The following ABLIM1 variants were observed in gnomAD, a reference collection of about 807,000 sequenced individuals.
The protein encoded by ABLIM1 is actin binding LIM protein 1.
ABLIM1 carries 40 observed loss-of-function variants against 107.0 expected under a neutral mutation model. The ratio of observed to expected loss-of-function variants is 0.37; its 90% CI spans 0.29 to 0.49. The LOEUF is 0.49. Among genes scored for constraint, ABLIM1 ranks in the 20% least tolerant of loss-of-function variants. The pLI is 0.97. For synonymous variants in ABLIM1, 357 were observed against 357.3 expected (o/e 1.00, Z 0.01); for missense variants, 857 against 1,008.5 (o/e 0.85, Z 2.04).
chr10:114,718,568 G>A (rs992088689), intron 1 of ABLIM1, among the ~76,000 whole-genome samples: 5 of 152,220 alleles, frequency 3.3e-5, no homozygotes, highest in Non-Finnish European at 5.9e-5. Flanking sequence ...CAGCAGCTGT[G>A]TCTGCCAAGT....
At chr10:114,732,180 C>CTTTTTTTTTTTTTTTT (rs113276247) in intron 1 of ABLIM1, among the ~76,000 whole-genome samples, 72 of 109,866 alleles carry the variant, frequency 6.6e-4, no homozygotes, top group Non-Finnish European at 8.8e-4. Context: ...CTTTTCTTTT[C>CTTTTTTTTTTTTTTTT]TTTTTTTTTT....
chr10:114,636,824 C>T (rs2078502813), intron 1 of ABLIM1, among the ~76,000 whole-genome samples: 2 of 151,822 alleles, frequency 1.3e-5, no homozygotes, highest in Non-Finnish European at 2.9e-5. Flanking sequence ...CTTGAGGTCA[C>T]GAGTTTGAGA....
intron 8 of ABLIM1, among the ~76,000 whole-genome samples, chr10:114,474,280 C>T (rs1034776820): frequency 6.6e-6 from 1 of 152,130 alleles, no homozygotes; most frequent in Non-Finnish European, 1.5e-5. Context: ...CCAGTCACCA[C>T]CTCCATTCAT....
chr10:114,654,363 T>G (rs932006862), intron 1 of ABLIM1, among the ~76,000 whole-genome samples: 1 of 152,260 alleles, frequency 6.6e-6, no homozygotes, highest in East Asian at 1.9e-4. Flanking sequence ...ATGCTGACTA[T>G]ATTGCAATTC....
At chr10:114,573,121 T>C (rs926822409) in intron 3 of ABLIM1, among the ~76,000 whole-genome samples, 2 of 152,216 alleles carry the variant, frequency 1.3e-5, no homozygotes, top group African/African-American at 2.4e-5. Context: ...TTCAGTAATT[T>C]CCTCCCTCCC....
intron 8 of ABLIM1, among the ~76,000 whole-genome samples, chr10:114,480,071 T>G (rs1306510143): frequency 6.6e-6 from 1 of 152,230 alleles, no homozygotes; most frequent in Non-Finnish European, 1.5e-5. Flanking sequence ...CAAATCCCAC[T>G]GACAGTTTCT....
intron 1 of ABLIM1, among the ~76,000 whole-genome samples, chr10:114,755,955 T>C (rs1463203161): frequency 6.6e-6 from 1 of 152,222 alleles, no homozygotes; most frequent in East Asian, 1.9e-4. Context: ...CAGTTATAAA[T>C]TCACCCATGT....
At chr10:114,513,793 C>G (rs2062320307) in intron 6 of ABLIM1, among the ~76,000 whole-genome samples, 1 of 152,210 alleles carries the variant, frequency 6.6e-6, no homozygotes, top group Admixed American at 6.5e-5. Flanking sequence ...GATGCCAACA[C>G]TACCAAGAAA....
rs2076043582 is a variant in ABLIM1, at chr10:114,601,956, G to A, written c.250C>T (p.His84Tyr). 1.9e-6 allele frequency: 3 copies of A among 1,613,744 alleles called. No individual in the cohort carries two copies. The highest frequency in any genetic ancestry group is 1.3e-5 in the African/African-American group (1 of 74,894). Residue 84 changes from histidine to tyrosine, a missense_variant, in exon 2 of 23, where the codon CAC (histidine) becomes TAC (tyrosine). By Grantham distance (83) the His-to-Tyr change is moderately conservative. Coordinates refer to ENST00000533213, the MANE Select transcript of ABLIM1 (RefSeq NM_002313.7). Reference sequence around the variant, plus strand: ...GATGGGTGGTGAGGGTCCTGAGGGTGGGCCACTGAAAGAAAATCAACAAAA... The same window carrying A: ...GATGGGTGGTGAGGGTCCTGAGGGTAGGCCACTGAAAGAAAATCAACAAAA... ...VCNSVDPFVA[H>Y]PQDPHHPSEK...
intron 6 of ABLIM1, among the ~76,000 whole-genome samples, chr10:114,493,491 T>A (rs2059277402): frequency 6.6e-6 from 1 of 152,160 alleles, no homozygotes; most frequent in South Asian, 2.1e-4. Flanking sequence ...AAGACAAAGG[T>A]GTACACTTTT....
chr10:114,552,798 A>G (rs2068232900), intron 4 of ABLIM1, among the ~76,000 whole-genome samples: 1 of 152,220 alleles, frequency 6.6e-6, no homozygotes, highest in Non-Finnish European at 1.5e-5. Context: ...TGCTTTCAGG[A>G]AAAAAGAGAA....
At chr10:114,748,218 GA>G (rs962478952) in intron 1 of ABLIM1, among the ~76,000 whole-genome samples, 3 of 151,864 alleles carry the variant, frequency 2.0e-5, no homozygotes, top group Non-Finnish European at 4.4e-5. Context: ...TAGGACTCAT[GA>G]AGTAAGTTTG....
intron 1 of ABLIM1, among the ~76,000 whole-genome samples, chr10:114,765,502 T>G (rs557864794): frequency 3.3e-5 from 5 of 152,314 alleles, no homozygotes; most frequent in African/African-American, 1.2e-4. Flanking sequence ...GGTACTTAAG[T>G]AGACACATTA....
At chr10:114,588,487 CTTTTTTTTTTT>C (rs34043960) in intron 2 of ABLIM1, among the ~76,000 whole-genome samples, 1 of 76,556 alleles carries the variant, frequency 1.3e-5, no homozygotes, top group Non-Finnish European at 2.3e-5. Context: ...TTCTTTCTTT[CTTTTTTTTTTT>C]TTTTTTTTTT....
chr10:114,787,596 G>A, the ABLIM1 span, among the ~76,000 whole-genome samples: 9 of 138,484 alleles, frequency 6.5e-5, no homozygotes, highest in African/African-American at 8.2e-5. Context: ...TCAGCCCCCC[G>A]CCCGGCCAGC....
chr10:114,684,627 C>T, exon 1 of ABLIM1: 1 of 1,214,366 alleles, frequency 8.2e-7, no homozygotes, highest in Non-Finnish European at 1.0e-6. Flanking sequence ...CTAAAGAGAC[C>T]CCTTGCAAAA....
the ABLIM1 span, among the ~76,000 whole-genome samples, chr10:114,785,699 T>C: frequency 6.6e-6 from 1 of 152,160 alleles, no homozygotes; most frequent in African/African-American, 2.4e-5. Context: ...TAAAATCTCA[T>C]ACTAATGGAA....
intron 2 of ABLIM1, among the ~76,000 whole-genome samples, chr10:114,578,786 T>TC (rs1001855838): frequency 9.8e-4 from 12 of 12,268 alleles, no homozygotes; most frequent in African/African-American, 2.6e-3. Flanking sequence ...CTTTCTTTTC[T>TC]TTTTTTTTTT....
At chr10:114,467,370 C>A (rs990516622) in intron 11 of ABLIM1, among the ~76,000 whole-genome samples, 1 of 152,070 alleles carries the variant, frequency 6.6e-6, no homozygotes, top group Non-Finnish European at 1.5e-5. Flanking sequence ...TTTCTACTAG[C>A]ACAATAAAAG....
Sources: gnomAD v4.1 joint callset for allele counts (sites outside exome capture counted in the v4.1 genomes callset) on GRCh38, gnomAD v4.1.1 for gene constraint, MANE v1.5 for transcripts, NCBI Gene and HGNC (gene_info 2026-07-23, HGNC 2026-07-21) for gene names.